Variants in STK39 observed in about 807,000 individuals in gnomAD.
STK39 encodes serine/threonine kinase 39, also known as STE20/SPS1-related proline-alanine-rich protein kinase.
STK39 carries 20 observed loss-of-function variants against 77.8 expected under a neutral mutation model. The ratio of observed to expected loss-of-function variants is 0.26; its 90% CI spans 0.18 to 0.37. The LOEUF (loss-of-function observed/expected upper bound fraction) is 0.37. Ranked by LOEUF, STK39 falls within the 10% of genes least tolerant of loss-of-function variation. The pLI is 1.00. For missense variants in STK39, 479 were observed against 656.5 expected (o/e 0.73, Z 2.95); for synonymous variants, 246 against 234.1 (o/e 1.05, Z -0.47).
intron 4 of STK39, 191 bp downstream of exon 4, chr2:168,163,548 T>C: frequency 1.0e-6 from 1 of 964,342 alleles, no homozygotes; most frequent in Non-Finnish European, 1.2e-6. Context: ...GTAATGTCAA[T>C]ACCTGCCTGC....
intron 14 of STK39, among the ~76,000 whole-genome samples, chr2:168,018,262 G>A (rs1684465148): frequency 6.6e-6 from 1 of 152,108 alleles, no homozygotes; most frequent in Non-Finnish European, 1.5e-5. Context: ...AACTTTGAGA[G>A]GCTGAGGCAG....
intron 10 of STK39, among the ~76,000 whole-genome samples, chr2:168,086,495 GT>G (rs1409998957): frequency 6.6e-6 from 1 of 152,080 alleles, no homozygotes; most frequent in Non-Finnish European, 1.5e-5. Flanking sequence ...AGCTCTACCA[GT>G]TCTGCTAAAA....
Position 168,203,720 on chromosome 2 carries a change from G to A in STK39, c.209-21630C>T, listed in dbSNP as rs557379931. Among the ~76,000 whole-genome samples the A allele has an allele frequency of 2.6e-5, 4 of 152,326 alleles. No homozygotes were observed. In the South Asian group the frequency reaches 8.3e-4, roughly 32 times the overall value. ...CAATTCTCCTGTCTCAGCCTCCCAA[G>A]TAGCTGGGACTACAGGAGCCAGCCA... is the stretch of plus-strand genomic sequence containing the variant. On this transcript the variant is annotated intron_variant, in intron 1 of 17. Transcript: ENST00000355999.
At chr2:168,180,540 C>T (rs192807335) in intron 2 of STK39, among the ~76,000 whole-genome samples, 16 of 152,218 alleles carry the variant, frequency 1.1e-4, no homozygotes, top group Admixed American at 9.8e-4. Flanking sequence ...CTTTTTAAAT[C>T]GCGCAGAGCT....
At chr2:168,137,525 G>A (rs1022364406) in intron 8 of STK39, among the ~76,000 whole-genome samples, 2 of 152,122 alleles carry the variant, frequency 1.3e-5, no homozygotes, top group African/African-American at 4.8e-5. Flanking sequence ...AGAATAAATA[G>A]GAAACACTAA....
At chr2:168,237,421 C>T (rs993548925) in intron 1 of STK39, among the ~76,000 whole-genome samples, 59 of 152,250 alleles carry the variant, frequency 3.9e-4, no homozygotes, top group Non-Finnish European at 6.9e-4. Context: ...CTTTTCCTAA[C>T]TGAATACCCT....
chr2:168,203,845 C>A (rs758427189), intron 1 of STK39, among the ~76,000 whole-genome samples: 2 of 152,246 alleles, frequency 1.3e-5, no homozygotes, highest in Admixed American at 1.3e-4. Context: ...CCACCCACCT[C>A]GGCCTCCCGA....
intron 14 of STK39, among the ~76,000 whole-genome samples, chr2:168,055,333 T>C (rs1685496463): frequency 6.6e-6 from 1 of 152,256 alleles, no homozygotes; most frequent in Admixed American, 6.5e-5. Flanking sequence ...TTTAGCTTTC[T>C]TTATGAAATC....
chr2:168,234,404 G>A (rs187759544), intron 1 of STK39, among the ~76,000 whole-genome samples: 1 of 152,348 alleles, frequency 6.6e-6, no homozygotes, highest in East Asian at 1.9e-4. Context: ...CATATGGTTA[G>A]TGGCTACCAA....
intron 14 of STK39, among the ~76,000 whole-genome samples, chr2:168,048,427 C>T (rs1030307208): frequency 1.1e-4 from 16 of 152,020 alleles, no homozygotes; most frequent in African/African-American, 1.7e-4. Flanking sequence ...TTAGCCAGGA[C>T]GGTCTCGATC....
At chr2:168,196,401 G>A (rs1395421242) in intron 1 of STK39, among the ~76,000 whole-genome samples, 1 of 152,178 alleles carries the variant, frequency 6.6e-6, no homozygotes, top group African/African-American at 2.4e-5. Flanking sequence ...GGTGGCTCAC[G>A]CCTGTAATCC....
chr2:168,154,862 A>T (rs1368641425), intron 5 of STK39, among the ~76,000 whole-genome samples: 1 of 152,226 alleles, frequency 6.6e-6, no homozygotes, highest in Non-Finnish European at 1.5e-5. Flanking sequence ...TTTCTCCCAC[A>T]GAAGGAGCAG....
chr2:168,161,200 A>G (rs72874937), intron 5 of STK39, among the ~76,000 whole-genome samples: 8,889 of 152,274 alleles, frequency 0.058, 484 homozygotes, highest in African/African-American at 0.13. Flanking sequence ...ATCTTATCCC[A>G]GGCCTTTAAG....
intron 10 of STK39, among the ~76,000 whole-genome samples, chr2:168,078,143 C>T (rs1040146210): frequency 1.3e-5 from 2 of 152,126 alleles, no homozygotes; most frequent in African/African-American, 4.8e-5. Flanking sequence ...TTAAGTGATA[C>T]CTAAAGGAAT....
intron 10 of STK39, among the ~76,000 whole-genome samples, chr2:168,091,802 C>T (rs1006065814): frequency 2.0e-5 from 3 of 152,134 alleles, no homozygotes; most frequent in Admixed American, 1.3e-4. Flanking sequence ...TCTATACATT[C>T]CAACTCTTTT....
intron 8 of STK39, among the ~76,000 whole-genome samples, chr2:168,132,101 T>TAC (rs1345222316): frequency 6.6e-6 from 1 of 152,202 alleles, no homozygotes; most frequent in African/African-American, 2.4e-5. Flanking sequence ...AGAAACACTT[T>TAC]ACATTGGACT....
chr2:168,066,165 T>C (rs1454397245), intron 12 of STK39, among the ~76,000 whole-genome samples: 1 of 152,210 alleles, frequency 6.6e-6, no homozygotes, highest in Admixed American at 6.5e-5. Context: ...TTCTAAAGTT[T>C]AAGAGCATAA....
chr2:168,012,753 A>G (rs1559056474), intron 15 of STK39, 51 bp from the exon 16 acceptor site: 10 of 1,439,938 alleles, frequency 6.9e-6, no homozygotes, highest in Non-Finnish European at 9.5e-6. Flanking sequence ...ATAAAAATCA[A>G]CAACCCAGTA....
chr2:168,072,644 G>A (rs1685970807), intron 12 of STK39, among the ~76,000 whole-genome samples: 2 of 152,348 alleles, frequency 1.3e-5, no homozygotes, highest in South Asian at 4.1e-4. Context: ...AGGGCACATA[G>A]TAGGGACATA....
Sources: gnomAD v4.1 joint callset for allele counts (sites outside exome capture counted in the v4.1 genomes callset) on GRCh38, gnomAD v4.1.1 for gene constraint, MANE v1.5 for transcripts, NCBI Gene and HGNC (gene_info 2026-07-23, HGNC 2026-07-21) for gene names.